The following STX11 variants were observed in gnomAD, a reference collection of about 807,000 sequenced individuals.
STX11 encodes the protein syntaxin-11.
STX11 carries 21 observed loss-of-function variants against 19.9 expected under a neutral mutation model. The ratio of observed to expected loss-of-function variants is 1.06; its 90% CI spans 0.75 to 1.52. STX11 has a LOEUF of 1.52. Ranked by LOEUF, STX11 falls within the 40% of genes most tolerant of loss-of-function variation. STX11 has a pLI of 0.00. For synonymous variants in STX11, 193 were observed against 174.4 expected (o/e 1.11, Z -0.84); for missense variants, 438 against 405.9 (o/e 1.08, Z -0.68).
Position 144,162,700 on chromosome 6 carries a change from C to T in STX11, c.-6+11997C>T, listed in dbSNP as rs1273441102. 6.6e-6 allele frequency among the ~76,000 whole-genome samples: 1 copy of T among 152,156 alleles called. No homozygotes were observed. The highest frequency in any genetic ancestry group is 2.4e-5 in the African/African-American group (1 of 41,426). On this transcript the variant is annotated intron_variant, in intron 1 of 1. Coordinates refer to ENST00000367568, the MANE Select transcript of STX11 (RefSeq NM_003764.4). The surrounding 1 kb of genome is among the most constrained non-coding windows in gnomAD (Gnocchi z 4.6). ...GGGGATGGGAAAGGTTGAGGGACAT[C>T]TCTGGTTGGAGGGCATCTCCAGAAG...
In STX11 at chr6:144,180,004, C is replaced by G. The variant is rs1801868892; in HGVS notation, c.-5-6619C>G. Among the ~76,000 whole-genome samples, 1 of 152,118 alleles carries G rather than the reference C, an allele frequency of 6.6e-6. No homozygotes were observed. ...TTGCAAAGACTCTCTTTTTCTTTCT[C>G]TTTCTCTTTCTGTGTGTGTGTGTAT... On this transcript the variant is annotated intron_variant, in intron 1 of 1. Transcript: ENST00000367568. This position sits in a 1 kb window ranked among gnomAD's most constrained non-coding sequence, Gnocchi z 5.3.
In STX11 at chr6:144,156,015, TCTCTTTCTC is replaced by T. The variant is rs1342777254; in HGVS notation, c.-6+5313_-6+5321del. ...CTTTCTTTCTTTCTTTCTTTCTTTC[TCTCTTTCTC>T]TCCTTCCTTCCTTCCTTCCTTCCTT... On this transcript the variant is annotated intron_variant, in intron 1 of 1. Transcript: ENST00000367568. Among the ~76,000 whole-genome samples, 240 of 100,896 alleles carry T rather than the reference TCTCTTTCTC, an allele frequency of 2.4e-3. 13 individuals are homozygous for T. Among genetic ancestry groups the T allele is most frequent in the African/African-American group, 0.012 (192 of 16,138 alleles). The allele number at this position is 100,896 out of a possible 152,430, so 66.2% of individuals were successfully genotyped here.
the STX11 span, among the ~76,000 whole-genome samples, chr6:144,140,214 ATATATATAT>A: frequency 0.012 from 1,040 of 85,112 alleles, 34 homozygotes; most frequent in Middle Eastern, 0.047. Flanking sequence ...ATTCACATAT[ATATATATAT>A]ATATATATAT....
At chr6:144,168,727 T>C (rs1203948239) in intron 1 of STX11, among the ~76,000 whole-genome samples, 1 of 152,216 alleles carries the variant, frequency 6.6e-6, no homozygotes, top group Non-Finnish European at 1.5e-5. Context: ...GGCAACAGCA[T>C]ATATGGCATC....
the STX11 span, among the ~76,000 whole-genome samples, chr6:144,143,983 T>C: frequency 6.6e-6 from 1 of 152,218 alleles, no homozygotes; most frequent in Non-Finnish European, 1.5e-5. Context: ...TTTCTAACCA[T>C]TAATATATGA....
In STX11 at chr6:144,188,874, G is replaced by A. The variant is rs1013838036; in HGVS notation, c.*1383G>A. ...CCTGAGAAGTTGGGACTCTGGGCGC[G>A]TGCCACAATGTCTGGCTAATTTTTT... On this transcript the variant is annotated 3_prime_UTR_variant, in exon 2 of 2. Transcript: ENST00000367568. Among the ~76,000 whole-genome samples, 4 of 151,646 alleles carry A rather than the reference G, an allele frequency of 2.6e-5. No individual in the cohort carries two copies. Among genetic ancestry groups the A allele is most frequent in the East Asian group, 1.9e-4 (1 of 5,148 alleles).
chr6:144,186,816 G>A lies in STX11; in HGVS notation c.189G>A (p.Lys63=), dbSNP rs763583190. The change falls in exon 2 of 2, where the codon AAG becomes AAA. Residue 63 remains lysine (K), a synonymous_variant. Transcript: ENST00000367568. ...DENQLLVADV[K]RLGKQNARFL... ...ACCAGCTGCTGGTGGCCGACGTGAA[G>A]CGGCTGGGAAAGCAGAACGCCCGCT... 6.2e-7 allele frequency: 1 copy of A among 1,613,686 alleles called. No homozygotes were observed. The highest frequency in any genetic ancestry group is 1.7e-5 in the Admixed American group (1 of 60,022).
the STX11 span, among the ~76,000 whole-genome samples, chr6:144,143,660 G>C: frequency 6.6e-6 from 1 of 152,144 alleles, no homozygotes; most frequent in Non-Finnish European, 1.5e-5. Context: ...GGAAAGCTAT[G>C]GGGCACAGGC....
chr6:144,151,654 G>A lies in STX11; in HGVS notation c.-6+951G>A, dbSNP rs1318033619. Among the ~76,000 whole-genome samples, 1 of 152,182 alleles carries A rather than the reference G, an allele frequency of 6.6e-6. No individual in the cohort carries two copies. Among genetic ancestry groups the A allele is most frequent in the Admixed American group, 6.5e-5 (1 of 15,278 alleles). Reference sequence around the variant, plus strand: ...TGAAATCATGTGCTTTGCCACAGATGCCCAAGAGAAAATTAATTTCATTAT... The same window carrying A: ...TGAAATCATGTGCTTTGCCACAGATACCCAAGAGAAAATTAATTTCATTAT... On this transcript the variant is annotated intron_variant, in intron 1 of 1. Coordinates refer to ENST00000367568, the MANE Select transcript of STX11 (RefSeq NM_003764.4). This position sits in a 1 kb window ranked among gnomAD's most constrained non-coding sequence, Gnocchi z 4.6.
chr6:144,161,111 G>T (rs60127075), intron 1 of STX11, among the ~76,000 whole-genome samples: 20,500 of 152,034 alleles, frequency 0.13, 2,550 homozygotes, highest in East Asian at 0.37. Flanking sequence ...TTTTAGCCAC[G>T]GTAAATCCAG....
At chr6:144,146,720 C>G (rs1243506314), upstream of STX11, among the ~76,000 whole-genome samples, 1 of 152,154 alleles carries the variant, frequency 6.6e-6, no homozygotes, top group Non-Finnish European at 1.5e-5. The surrounding 1 kb of genome is among the most constrained non-coding windows in gnomAD (Gnocchi z 4.4). Flanking sequence ...CCGCACCCGG[C>G]TAATTCTTTG....
Position 144,182,795 on chromosome 6 carries a change from G to A in STX11, c.-5-3828G>A, listed in dbSNP as rs1199713678. Among the ~76,000 whole-genome samples the A allele has an allele frequency of 6.6e-6, 1 of 152,148 alleles. No homozygotes were observed. Among genetic ancestry groups the A allele is most frequent in the East Asian group, 1.9e-4 (1 of 5,192 alleles). On this transcript the variant is annotated intron_variant, in intron 1 of 1. Coordinates refer to ENST00000367568, the MANE Select transcript of STX11 (RefSeq NM_003764.4). The surrounding 1 kb of genome is among the most constrained non-coding windows in gnomAD (Gnocchi z 4.8). Reference sequence around the variant, plus strand: ...CCTTATCTACCCATTTCCTTCCATTGAAGTGCCTTGTAAGGCTTGGCCAAC... The same window carrying A: ...CCTTATCTACCCATTTCCTTCCATTAAAGTGCCTTGTAAGGCTTGGCCAAC...
the STX11 span, among the ~76,000 whole-genome samples, chr6:144,140,258 A>ATT: frequency 1.1e-4 from 6 of 52,478 alleles, no homozygotes; most frequent in African/African-American, 6.9e-4. Flanking sequence ...ATATATATTT[A>ATT]TTTATTTATT....
At chr6:144,171,688 T>C (rs140715451) in intron 1 of STX11, among the ~76,000 whole-genome samples, 31 of 150,480 alleles carry the variant, frequency 2.1e-4, no homozygotes, top group Non-Finnish European at 3.1e-4. Flanking sequence ...GTGGAAGCTG[T>C]GTGTGTGTGA....
rs1801816807 is a variant in STX11 at position 144,177,984 on chromosome 6, G to A, written c.-5-8639G>A. Reference sequence around the variant, plus strand: ...TGAAGAAATTTGTGTGGGAAAGAAAGTAGTGATTCTAATGGTGACAGTATT... The same window carrying A: ...TGAAGAAATTTGTGTGGGAAAGAAAATAGTGATTCTAATGGTGACAGTATT... On this transcript the variant is annotated intron_variant, in intron 1 of 1. Coordinates refer to ENST00000367568, the MANE Select transcript of STX11 (RefSeq NM_003764.4). The surrounding 1 kb of genome is among the most constrained non-coding windows in gnomAD (Gnocchi z 4.4). Among the ~76,000 whole-genome samples, 1 of 152,204 alleles carries A rather than the reference G, an allele frequency of 6.6e-6. No homozygotes were observed. Among genetic ancestry groups the A allele is most frequent in the South Asian group, 2.1e-4 (1 of 4,838 alleles).
At chr6:144,149,883 C>A (rs1800948695), upstream of STX11, among the ~76,000 whole-genome samples, 1 of 152,214 alleles carries the variant, frequency 6.6e-6, no homozygotes, top group Non-Finnish European at 1.5e-5. This position sits in a 1 kb window ranked among gnomAD's most constrained non-coding sequence, Gnocchi z 5.1. Flanking sequence ...TTTATCCCTC[C>A]CCGTTAAAGT....
In STX11 at chr6:144,180,699, A is replaced by G. The variant is rs543196261; in HGVS notation, c.-5-5924A>G. On this transcript the variant is annotated intron_variant, in intron 1 of 1. Coordinates refer to ENST00000367568, the MANE Select transcript of STX11 (RefSeq NM_003764.4). The surrounding 1 kb of genome is among the most constrained non-coding windows in gnomAD (Gnocchi z 5.3). ...GTATGTCTTTATCAGCAGTGTGAAA[A>G]TGGACTAATACAATGTGATTGTCAC... Among the ~76,000 whole-genome samples the G allele has an allele frequency of 6.6e-5, 10 of 152,316 alleles. No homozygotes were observed. The South Asian group carries it at 2.1e-3, about 32-fold the overall frequency.
chr6:144,142,586 A>G, the STX11 span, among the ~76,000 whole-genome samples: 5 of 152,220 alleles, frequency 3.3e-5, no homozygotes, highest in Non-Finnish European at 1.5e-5. Context: ...ATTCCGCCAT[A>G]AAAGAATGAA....
At chr6:144,150,041 G>A (rs1800953230), upstream of STX11, among the ~76,000 whole-genome samples, 1 of 152,192 alleles carries the variant, frequency 6.6e-6, no homozygotes, top group Admixed American at 6.5e-5. Flanking sequence ...TGGGAAGGCG[G>A]TGCTCGGCCT....
Sources: gnomAD v4.1 joint callset for allele counts (sites outside exome capture counted in the v4.1 genomes callset) on GRCh38, gnomAD v4.1.1 for gene constraint, Gnocchi (gnomAD v3.1) non-coding constraint, MANE v1.5 for transcripts, NCBI Gene and HGNC (gene_info 2026-07-23, HGNC 2026-07-21) for gene names.